Variants in FRS2 observed in about 807,000 individuals in gnomAD.
The protein encoded by FRS2 is fibroblast growth factor receptor substrate 2, also known as FGFR signalling adaptor.
Under a neutral mutation model 43.9 loss-of-function variants are expected in FRS2, and 8 were observed. That is an observed-to-expected ratio of 0.18 (90% CI 0.11 to 0.33). The LOEUF (loss-of-function observed/expected upper bound fraction) is 0.33, where lower values mean the gene tolerates loss of function less well. Ranked by LOEUF, FRS2 falls within the 10% of genes least tolerant of loss-of-function variation. FRS2 has a pLI of 1.00. For synonymous variants in FRS2, 219 were observed against 220.3 expected, an observed-to-expected ratio of 0.99 and a Z score of 0.05; for missense variants, 534 against 627.6, an observed-to-expected ratio of 0.85 and a Z score of 1.59.
chr12:69,498,519 T>TGTGTGTG, intron 1 of FRS2, among the ~76,000 whole-genome samples: 1 of 141,594 alleles, frequency 7.1e-6, no homozygotes, highest in East Asian at 2.1e-4. Context: ...TTATGAGGGT[T>TGTGTGTG]TGTGTGTGTG....
chr12:69,505,376 C>G (rs1018271979), intron 1 of FRS2, among the ~76,000 whole-genome samples: 1 of 152,080 alleles, frequency 6.6e-6, no homozygotes, highest in Non-Finnish European at 1.5e-5. Context: ...AATACTAATT[C>G]CATAAAATAA....
At chr12:69,500,384 A>G (rs1021023162) in intron 1 of FRS2, among the ~76,000 whole-genome samples, 1 of 152,176 alleles carries the variant, frequency 6.6e-6, no homozygotes. Flanking sequence ...GCATCAAGGT[A>G]TGGTAGAGGG....
chr12:69,556,684 A>G (rs1045973209), intron 3 of FRS2, among the ~76,000 whole-genome samples: 1 of 152,232 alleles, frequency 6.6e-6, no homozygotes, highest in East Asian at 1.9e-4. Context: ...AGTATCATAT[A>G]TAAAAAGTGA....
chr12:69,541,178 A>G (rs1469178570), intron 3 of FRS2, among the ~76,000 whole-genome samples: 4 of 152,254 alleles, frequency 2.6e-5, no homozygotes, highest in African/African-American at 9.6e-5. Context: ...TTGAATGCAT[A>G]TTTCCCCGGG....
At chr12:69,551,983 C>A (rs1181825196) in intron 3 of FRS2, among the ~76,000 whole-genome samples, 1 of 151,822 alleles carries the variant, frequency 6.6e-6, no homozygotes, top group Admixed American at 6.6e-5. Flanking sequence ...TTTTCTTTCT[C>A]AGTGGTATAT....
intron 3 of FRS2, among the ~76,000 whole-genome samples, chr12:69,539,744 A>G (rs1024738672): frequency 2.0e-5 from 3 of 152,124 alleles, no homozygotes; most frequent in African/African-American, 7.2e-5. Context: ...TCACGAGGTC[A>G]GGAGTTCGAG....
At chr12:69,510,647 C>T (rs994870646) in intron 1 of FRS2, among the ~76,000 whole-genome samples, 14 of 152,032 alleles carry the variant, frequency 9.2e-5, no homozygotes, top group Non-Finnish European at 1.6e-4. Context: ...AGTGATTAGG[C>T]GTGTGGCCAG....
intron 3 of FRS2, among the ~76,000 whole-genome samples, chr12:69,541,362 A>G (rs1048505576): frequency 3.3e-5 from 5 of 152,204 alleles, no homozygotes; most frequent in Admixed American, 3.3e-4. Flanking sequence ...AAATTTTTAA[A>G]CTTCAGGGTA....
intron 1 of FRS2, among the ~76,000 whole-genome samples, chr12:69,512,060 T>C (rs1485582832): frequency 1.3e-5 from 2 of 152,220 alleles, no homozygotes; most frequent in East Asian, 1.9e-4. Context: ...CTGTTACCTG[T>C]GTCTGCCAAT....
At chr12:69,503,207 T>C (rs963604224) in intron 1 of FRS2, among the ~76,000 whole-genome samples, 6 of 152,196 alleles carry the variant, frequency 3.9e-5, no homozygotes, top group African/African-American at 1.4e-4. Context: ...TCTCAGCTTA[T>C]AGATGCTGCC....
At chr12:69,477,343 C>T (rs1017647006) in intron 1 of FRS2, among the ~76,000 whole-genome samples, 18 of 142,818 alleles carry the variant, frequency 1.3e-4, no homozygotes, top group Non-Finnish European at 2.3e-4. Context: ...TGCAGTGGCG[C>T]GATCTCAGCT....
At chr12:69,544,961 A>G (rs1449213398) in intron 3 of FRS2, among the ~76,000 whole-genome samples, 3 of 152,198 alleles carry the variant, frequency 2.0e-5, no homozygotes, top group Non-Finnish European at 4.4e-5. Flanking sequence ...GTCTCTGTTT[A>G]TAGATGATAT....
At chr12:69,540,293 A>G (rs1877774880) in intron 3 of FRS2, among the ~76,000 whole-genome samples, 1 of 151,718 alleles carries the variant, frequency 6.6e-6, no homozygotes, top group Admixed American at 6.6e-5. Flanking sequence ...AAAAATAAAA[A>G]TAACAAAATA....
chr12:69,544,300 A>G (rs1565761832), intron 3 of FRS2, among the ~76,000 whole-genome samples: 1 of 152,312 alleles, frequency 6.6e-6, no homozygotes, highest in East Asian at 1.9e-4. Flanking sequence ...TCAATGTAAT[A>G]TACACATTAA....
At chr12:69,509,542 A>T (rs1874269016) in intron 1 of FRS2, among the ~76,000 whole-genome samples, 1 of 152,168 alleles carries the variant, frequency 6.6e-6, no homozygotes, top group Non-Finnish European at 1.5e-5. Flanking sequence ...TCATCTCCAG[A>T]ACTTTTTCAT....
intron 3 of FRS2, among the ~76,000 whole-genome samples, chr12:69,551,258 C>T (rs1027996325): frequency 3.9e-5 from 6 of 152,108 alleles, no homozygotes; most frequent in Non-Finnish European, 7.4e-5. Context: ...GAGGCTGATT[C>T]GGGAGGATCA....
chr12:69,497,393 A>C (rs1028681427), intron 1 of FRS2, among the ~76,000 whole-genome samples: 1 of 152,198 alleles, frequency 6.6e-6, no homozygotes, highest in South Asian at 2.1e-4. Context: ...TGACCAGTAG[A>C]TTCAGTGCCT....
chr12:69,541,603 A>G (rs562433984), intron 3 of FRS2, among the ~76,000 whole-genome samples: 2 of 152,230 alleles, frequency 1.3e-5, no homozygotes, highest in Admixed American at 1.3e-4. Flanking sequence ...AGGCAAGTGG[A>G]TCACTTGAGC....
In FRS2 at chr12:69,512,072, T is replaced by G. The variant is rs190488008; in HGVS notation, c.-260-18793T>G. Among the ~76,000 whole-genome samples, 19 of 152,296 alleles carry G rather than the reference T, an allele frequency of 1.2e-4. No individual in the cohort carries two copies. The East Asian group carries it at 3.5e-3, about 28-fold the overall frequency. On this transcript the variant is annotated intron_variant, in intron 1 of 8. Coordinates refer to ENST00000549921, the MANE Select transcript of FRS2 (RefSeq NM_001278356.2). Reference sequence around the variant, plus strand: ...CACCTGTTACCTGTGTCTGCCAATTTTGAAGGACGAGAAATAGCAGTACAT... The same window carrying G: ...CACCTGTTACCTGTGTCTGCCAATTGTGAAGGACGAGAAATAGCAGTACAT...
Sources: gnomAD v4.1 joint callset for allele counts (sites outside exome capture counted in the v4.1 genomes callset) on GRCh38, gnomAD v4.1.1 for gene constraint, MANE v1.5 for transcripts, NCBI Gene and HGNC (gene_info 2026-07-23, HGNC 2026-07-21) for gene names.